The following ABCA10 variants were observed in gnomAD, a reference collection of about 807,000 sequenced individuals.
ABCA10 encodes ATP binding cassette subfamily A member 10.
A neutral mutation model predicts 187.5 loss-of-function variants in ABCA10; 169 were observed. That is an observed-to-expected ratio of 0.90 (90% CI 0.80 to 1.02). The LOEUF (loss-of-function observed/expected upper bound fraction) is 1.02. ABCA10 is among the 50% of genes least tolerant of loss of function. The pLI is 0.00. For missense variants in ABCA10, 1,727 were observed against 1,812.4 expected (o/e 0.95, Z 0.86); for synonymous variants, 574 against 601.8 (o/e 0.95, Z 0.68).
intron 30 of ABCA10, 74 bp downstream of exon 30, chr17:69,154,945 T>G (rs1471886682): frequency 2.9e-6 from 3 of 1,036,404 alleles, no homozygotes; most frequent in South Asian, 1.7e-5. Context: ...GAATAAAAAT[T>G]TGTCCCCTTT....
At position 69,193,611 on chromosome 17, in the gene ABCA10, A is replaced by G. The variant is rs537347023; in HGVS notation, c.1523T>C (p.Val508Ala). Residue 508 changes from valine (V) to alanine (A), a missense_variant and splice_region_variant, in exon 14 of 39, where the codon GTA becomes GCA. Physicochemically the swap from Val to Ala is moderately conservative, Grantham distance 64. Coordinates refer to ENST00000690296, the MANE Select transcript of ABCA10 (RefSeq NM_001377321.1). ...GTCTAATTCCATTATAATTCTTTTT[A>G]CCTATCAAAGAAAACTCTGTGTTAA... ...GIQPKEVEQE[V>A]KRIIMELDMQ... 1.2e-5 allele frequency: 19 copies of G among 1,599,864 alleles called. No individual in the cohort carries two copies. The highest frequency in any genetic ancestry group is 1.5e-5 in the Non-Finnish European group (17 of 1,172,352).
In ABCA10 at chr17:69,154,276, T is replaced by C. The variant is rs2074155790; in HGVS notation, c.3745A>G (p.Ile1249Val). ...TTTGTGCACCCAGTTATCATTTTAA[T>C]GGAAGTACTTTTACCAGCTCCATTG... ...GHNGAGKSTS[I>V]KMITGCTKPT... Residue 1249 changes from isoleucine to valine, a missense_variant, in exon 31 of 39, where the codon ATT (isoleucine) becomes GTT (valine). Coordinates refer to ENST00000690296, the MANE Select transcript of ABCA10 (RefSeq NM_001377321.1). 1 of 1,612,964 alleles carries C rather than the reference T, an allele frequency of 6.2e-7. No individual in the cohort carries two copies. The highest frequency in any genetic ancestry group is 8.5e-7 in the Non-Finnish European group (1 of 1,179,680).
In ABCA10 at chr17:69,150,113, C is replaced by T. The variant is rs780128989; in HGVS notation, c.4398-50G>A. ...ATTACTAAGTTTCAGTGTGATAATA[C>T]GGGGGAGGAATTAATAGGCAAAGTA... On this transcript the variant is annotated intron_variant, in intron 36 of 38. Coordinates refer to ENST00000690296, the MANE Select transcript of ABCA10 (RefSeq NM_001377321.1). 6.1e-5 allele frequency: 85 copies of T among 1,385,260 alleles called. 2 individuals are homozygous for T. In the South Asian group the frequency reaches 6.3e-4, roughly 10 times the overall value. The allele number at this position is 1,385,260 out of a possible 1,614,324, so 85.8% of individuals were successfully genotyped here.
intron 1 of ABCA10, chr17:69,234,957 C>A (rs940983226): frequency 1.3e-5 from 2 of 152,042 alleles, no homozygotes; most frequent in Non-Finnish European, 2.9e-5. Context: ...TGGGAATTAT[C>A]AATTAAATTC....
rs758539336 is a variant in ABCA10 at position 69,225,387 on chromosome 17, G to A, written c.-29C>T. 1.2e-6 allele frequency: 2 copies of A among 1,611,740 alleles called. No homozygotes were observed. The highest frequency in any genetic ancestry group is 8.5e-7 in the Non-Finnish European group (1 of 1,178,456). ...CCTTTGTGTTATGTTACTGACTGGT[G>A]TATATGCCACTACCAGGCCAGAGTC... On this transcript the variant is annotated 5_prime_UTR_variant, in exon 3 of 39. Coordinates refer to ENST00000690296, the MANE Select transcript of ABCA10 (RefSeq NM_001377321.1).
chr17:69,239,491 C>A (rs1166458180), intron 1 of ABCA10, among the ~76,000 whole-genome samples: 1 of 152,138 alleles, frequency 6.6e-6, no homozygotes, highest in African/African-American at 2.4e-5. Context: ...ATTGAGCTTT[C>A]TCAGACTGTT....
At chr17:69,219,314 C>A (rs137905113) in intron 6 of ABCA10, among the ~76,000 whole-genome samples, 2 of 152,062 alleles carry the variant, frequency 1.3e-5, no homozygotes, top group Admixed American at 6.6e-5. Context: ...GGTTTTTATG[C>A]GGCATTTTTC....
intron 3 of ABCA10, among the ~76,000 whole-genome samples, chr17:69,223,381 C>G (rs1411788059): frequency 2.6e-5 from 4 of 152,132 alleles, no homozygotes; most frequent in African/African-American, 9.7e-5. Flanking sequence ...CAAGAACACT[C>G]TCTAAGAATT....
At chr17:69,178,422 G>A (rs140915261) in intron 22 of ABCA10, among the ~76,000 whole-genome samples, 4 of 152,158 alleles carry the variant, frequency 2.6e-5, no homozygotes, top group South Asian at 2.1e-4. Flanking sequence ...AACGTCACCC[G>A]GTACTTACTG....
chr17:69,205,516 A>G (rs1167722499), intron 9 of ABCA10, among the ~76,000 whole-genome samples: 2 of 152,220 alleles, frequency 1.3e-5, no homozygotes, highest in African/African-American at 2.4e-5. Context: ...TAAACAATAA[A>G]ATATTCAATT....
upstream of ABCA10, among the ~76,000 whole-genome samples, chr17:69,230,990 TAGCTC>T (rs2074828465): frequency 6.6e-6 from 1 of 152,152 alleles, no homozygotes; most frequent in African/African-American, 2.4e-5. Flanking sequence ...TCTTATAAAC[TAGCTC>T]ATCTTCTTAC....
At chr17:69,199,233 A>C (rs546205830) in intron 10 of ABCA10, among the ~76,000 whole-genome samples, 82 of 147,548 alleles carry the variant, frequency 5.6e-4, no homozygotes, top group African/African-American at 2.0e-3. Context: ...ATCCTTCTTT[A>C]TTTCTTTTAA....
At chr17:69,231,897 C>A (rs2074834145), upstream of ABCA10, among the ~76,000 whole-genome samples, 2 of 152,040 alleles carry the variant, frequency 1.3e-5, no homozygotes, top group Middle Eastern at 3.4e-3. Context: ...CCTTTTAGAT[C>A]TATTTATATT....
intron 27 of ABCA10, among the ~76,000 whole-genome samples, chr17:69,163,310 G>C (rs890662658): frequency 5.3e-5 from 8 of 152,062 alleles, no homozygotes; most frequent in African/African-American, 1.4e-4. Context: ...ATACACAATA[G>C]AATTTATTTG....
At chr17:69,210,459 G>T (rs1350811228) in intron 9 of ABCA10, among the ~76,000 whole-genome samples, 1 of 151,782 alleles carries the variant, frequency 6.6e-6, no homozygotes, top group Non-Finnish European at 1.5e-5. Flanking sequence ...AAAGTGCTGG[G>T]ATTACAGGCG....
At chr17:69,182,832 C>T in intron 20 of ABCA10, 24 bp from the exon 21 acceptor site, 3 of 1,300,014 alleles carry the variant, frequency 2.3e-6, no homozygotes, top group Non-Finnish European at 2.9e-6. Context: ...AGGAAGGCAA[C>T]AAGAAAAAAA....
intron 19 of ABCA10, among the ~76,000 whole-genome samples, chr17:69,186,672 A>G (rs926720540): frequency 6.6e-6 from 1 of 152,080 alleles, no homozygotes; most frequent in East Asian, 1.9e-4. Context: ...TTAACCCTCC[A>G]TATTTTCTAA....
At chr17:69,196,685 G>A (rs548132259) in intron 11 of ABCA10, among the ~76,000 whole-genome samples, 11 of 152,296 alleles carry the variant, frequency 7.2e-5, no homozygotes, top group African/African-American at 9.6e-5. Context: ...AGGTTGTAGC[G>A]AGCCAAGATC....
At chr17:69,207,976 G>A (rs941133163) in intron 9 of ABCA10, among the ~76,000 whole-genome samples, 1 of 152,204 alleles carries the variant, frequency 6.6e-6, no homozygotes, top group Admixed American at 6.5e-5. Flanking sequence ...TAATTAGCTA[G>A]ATTTGACTAA....
Sources: allele counts gnomAD v4.1 joint callset (sites outside exome capture counted in the v4.1 genomes callset), GRCh38; gene constraint gnomAD v4.1.1; transcripts MANE v1.5; gene names NCBI Gene and HGNC (gene_info 2026-07-23, HGNC 2026-07-21).